Variants in BIRC6 observed in about 807,000 individuals in gnomAD.
BIRC6 encodes the protein baculoviral IAP repeat containing 6.
Under a neutral mutation model 503.3 loss-of-function variants are expected in BIRC6, and 98 were observed. The ratio of observed to expected loss-of-function variants is 0.19; its 90% confidence interval spans 0.17 to 0.23. BIRC6 has a LOEUF of 0.23. Ranked by LOEUF, BIRC6 falls within the 10% of genes least tolerant of loss-of-function variation. The pLI is 1.00. For missense variants in BIRC6, 5,360 were observed against 5,806.0 expected (o/e 0.92, Z 2.50); for synonymous variants, 2,240 against 2,078.7 (o/e 1.08, Z -2.11).
intron 8 of BIRC6, among the ~76,000 whole-genome samples, chr2:32,406,199 C>T (rs1558638715): frequency 6.6e-6 from 1 of 152,198 alleles, no homozygotes; most frequent in Non-Finnish European, 1.5e-5. Flanking sequence ...CAAGACCAGC[C>T]TGGGCAACAT....
intron 73 of BIRC6, 99 bp downstream of exon 73, chr2:32,611,681 A>G: frequency 8.6e-7 from 1 of 1,161,678 alleles, no homozygotes; most frequent in Non-Finnish European, 1.1e-6. Flanking sequence ...GAGGGAATTA[A>G]AGAAACATAA....
chr2:32,565,297 A>G (rs1016863577), intron 65 of BIRC6: 2 of 152,222 alleles, frequency 1.3e-5, no homozygotes, highest in Non-Finnish European at 2.9e-5. Context: ...GTTAGACACT[A>G]TGGAGTATCT....
At chr2:32,462,360 G>T (rs887003210) in intron 23 of BIRC6, among the ~76,000 whole-genome samples, 1 of 152,146 alleles carries the variant, frequency 6.6e-6, no homozygotes, top group African/African-American at 2.4e-5. Flanking sequence ...AATGCAGAAA[G>T]AATTATTTAT....
intron 44 of BIRC6, among the ~76,000 whole-genome samples, chr2:32,492,021 C>T (rs1340235694): frequency 2.0e-5 from 3 of 151,992 alleles, no homozygotes; most frequent in African/African-American, 7.2e-5. Context: ...TGTAAATTTT[C>T]CTTTATATCA....
chr2:32,578,302 C>T (rs1482996394), intron 66 of BIRC6, among the ~76,000 whole-genome samples: 1 of 152,000 alleles, frequency 6.6e-6, no homozygotes, highest in East Asian at 1.9e-4. Flanking sequence ...TGTATACCCA[C>T]AGAAAGTGGC....
At chr2:32,422,926 T>C (rs143995570) in intron 10 of BIRC6, among the ~76,000 whole-genome samples, 80 of 152,280 alleles carry the variant, frequency 5.3e-4, no homozygotes, top group Middle Eastern at 3.4e-3. Context: ...GGTGCACATA[T>C]GTAAGGGGCT....
chr2:32,375,981 C>T (rs2036713557), intron 1 of BIRC6, among the ~76,000 whole-genome samples: 1 of 152,056 alleles, frequency 6.6e-6, no homozygotes, highest in South Asian at 2.1e-4. Flanking sequence ...GTCAGGAGAT[C>T]GAGACCATCC....
rs1246985957 is a variant in BIRC6 at position 32,490,284 on chromosome 2, A to T, written c.8206+133A>T. Reference sequence around the variant, plus strand: ...TTGAGTTGGCCAGATGTGGTGGCTCACGCCTGTAAACCCAGCACTTTGGGA... The same window carrying T: ...TTGAGTTGGCCAGATGTGGTGGCTCTCGCCTGTAAACCCAGCACTTTGGGA... On this transcript the variant is annotated intron_variant, in intron 43 of 73. Coordinates refer to ENST00000421745, the MANE Select transcript of BIRC6 (RefSeq NM_016252.4). 1.8e-5 allele frequency: 13 copies of T among 723,448 alleles called. No homozygotes were observed. In the Admixed American group the frequency reaches 2.2e-4, roughly 12 times the overall value. 44.8% of individuals were successfully genotyped at this position (723,448 alleles called of 1,614,324 possible).
intron 36 of BIRC6, among the ~76,000 whole-genome samples, chr2:32,479,105 T>C (rs2050094078): frequency 6.6e-6 from 1 of 152,260 alleles, no homozygotes; most frequent in Non-Finnish European, 1.5e-5. Flanking sequence ...AGTGGTATGC[T>C]GCTTACTGGG....
At position 32,534,448 on chromosome 2, in the gene BIRC6, C is replaced by T. The variant is rs188112682; in HGVS notation, c.12291+2897C>T. ...GGAAGATGTATCAAAAGAAATCATT[C>T]GGCTTGGCGCGGCAGCTAATGCCTG... On this transcript the variant is annotated intron_variant, in intron 61 of 73. Transcript: ENST00000421745. Among the ~76,000 whole-genome samples the T allele has an allele frequency of 4.1e-3, 599 of 147,286 alleles. 3 individuals are homozygous for T. Among genetic ancestry groups the T allele is most frequent in the Non-Finnish European group, 6.1e-3 (412 of 67,016 alleles).
intron 10 of BIRC6, 135 bp downstream of exon 10, chr2:32,416,298 C>T: frequency 7.6e-6 from 7 of 927,120 alleles, no homozygotes; most frequent in Non-Finnish European, 1.1e-5. Context: ...AGTGGTAAAT[C>T]CTTCTTTTTA....
At chr2:32,503,480 A>G (rs552121739) in intron 49 of BIRC6, among the ~76,000 whole-genome samples, 8 of 152,226 alleles carry the variant, frequency 5.3e-5, no homozygotes, top group Middle Eastern at 3.4e-3. Context: ...CAGGAGTGCA[A>G]TGGCGTGATC....
At chr2:32,614,162 A>G (rs2063081394) in intron 73 of BIRC6, among the ~76,000 whole-genome samples, 1 of 152,132 alleles carries the variant, frequency 6.6e-6, no homozygotes. Context: ...CTCATCCTTC[A>G]TCCAGCACCC....
Position 32,490,064 on chromosome 2 carries a change from G to C in BIRC6, c.8119G>C (p.Val2707Leu). 6.2e-7 allele frequency: 1 copy of C among 1,612,746 alleles called. No homozygotes were observed. Among genetic ancestry groups the C allele is most frequent in the Non-Finnish European group, 8.5e-7 (1 of 1,178,828 alleles). ...AGCATCAATAACTAGCTTTCTCACA[G>C]TGTTAGCTTGGTATCCCAATACTTT... is the stretch of plus-strand genomic sequence containing the variant. ...NQASITSFLT[V>L]LAWYPNTLLR... Residue 2707 changes from valine (V) to leucine (L), a missense_variant, in exon 43 of 74, where the codon GTG becomes CTG. By Grantham distance (32) the Val-to-Leu change is conservative. Around this residue, in one of 16 missense-constraint regions of BIRC6, gnomAD observed 2,299 missense variants for 2,267.2 expected, o/e 1.01. Coordinates refer to ENST00000421745, the MANE Select transcript of BIRC6 (RefSeq NM_016252.4).
chr2:32,394,344 G>T (rs1259410928), intron 5 of BIRC6, among the ~76,000 whole-genome samples: 2 of 151,612 alleles, frequency 1.3e-5, no homozygotes, highest in Non-Finnish European at 2.9e-5. Context: ...TTAGTTTTCA[G>T]GTATATTTCA....
chr2:32,610,476 T>A (rs914512445), intron 72 of BIRC6, among the ~76,000 whole-genome samples: 4 of 152,224 alleles, frequency 2.6e-5, no homozygotes, highest in African/African-American at 9.6e-5. Context: ...AAGATAAAAT[T>A]AAGCAAGTAA....
chr2:32,600,559 G>T (rs1483278478), intron 70 of BIRC6, among the ~76,000 whole-genome samples: 1 of 152,180 alleles, frequency 6.6e-6, no homozygotes, highest in Admixed American at 6.5e-5. Context: ...GAAGAACAAA[G>T]AACAGGTTTT....
At chr2:32,600,744 A>G (rs957375169) in intron 70 of BIRC6, among the ~76,000 whole-genome samples, 14 of 152,226 alleles carry the variant, frequency 9.2e-5, no homozygotes, top group African/African-American at 3.1e-4. Context: ...GTCTTTTACC[A>G]TCATACTTAC....
chr2:32,397,603 T>C (rs1429806904), intron 6 of BIRC6, among the ~76,000 whole-genome samples: 3 of 143,310 alleles, frequency 2.1e-5, no homozygotes, highest in Non-Finnish European at 4.5e-5. Context: ...TGTGTGTGTG[T>C]GTATATATGT....
Sources: gnomAD v4.1 joint callset for allele counts (sites outside exome capture counted in the v4.1 genomes callset) on GRCh38, gnomAD v4.1.1 for gene constraint, gnomAD v4.1.1 regional missense constraint, MANE v1.5 for transcripts, NCBI Gene and HGNC (gene_info 2026-07-23, HGNC 2026-07-21) for gene names.